Variants in DOCK9 observed in about 807,000 individuals in gnomAD.
DOCK9 encodes dedicator of cytokinesis protein 9.
Under a neutral mutation model 263.3 loss-of-function variants are expected in DOCK9, and 89 were observed. The ratio of observed to expected loss-of-function variants is 0.34; its 90% CI spans 0.28 to 0.40. DOCK9 has a LOEUF of 0.40. Ranked by LOEUF, DOCK9 falls within the 10% of genes least tolerant of loss-of-function variation. DOCK9 has a pLI of 1.00. For synonymous variants in DOCK9, 976 were observed against 973.1 expected, an observed-to-expected ratio of 1.00 and a Z score of -0.06; for missense variants, 2,140 against 2,603.4, an observed-to-expected ratio of 0.82 and a Z score of 3.87.
intron 15 of DOCK9, among the ~76,000 whole-genome samples, chr13:98,891,112 AG>A (rs2139058122): frequency 6.6e-6 from 1 of 152,026 alleles, no homozygotes; most frequent in East Asian, 1.9e-4. Flanking sequence ...TGGTGGGAGG[AG>A]GGGCAGCAGC....
Position 98,996,329 on chromosome 13 carries a change from G to A in DOCK9, c.130-40778C>T, listed in dbSNP as rs962344599. 3.9e-5 allele frequency among the ~76,000 whole-genome samples: 6 copies of A among 152,108 alleles called. No homozygotes were observed. The East Asian group carries it at 5.8e-4, about 15-fold the overall frequency. ...CAAAGCAGAACACAACTAAGACAGCGGTCACACATCTTTTTCCAGATCCCG... is the reference window on the plus strand; with the variant it reads ...CAAAGCAGAACACAACTAAGACAGCAGTCACACATCTTTTTCCAGATCCCG... On this transcript the variant is annotated intron_variant, in intron 1 of 32. Coordinates refer to the DOCK9 transcript ENST00000427887.
intron 27 of DOCK9, among the ~76,000 whole-genome samples, chr13:98,870,950 A>T (rs555302503): frequency 6.6e-6 from 1 of 152,316 alleles, no homozygotes; most frequent in East Asian, 1.9e-4. Flanking sequence ...TTAAGAATCA[A>T]AGAAACCTCA....
chr13:98,906,327 G>A (rs9584967), intron 9 of DOCK9, among the ~76,000 whole-genome samples: 19,060 of 152,134 alleles, frequency 0.13, 1,320 homozygotes, highest in South Asian at 0.2. Context: ...GAAGAAAACC[G>A]ACAGATGGTG....
intron 27 of DOCK9, among the ~76,000 whole-genome samples, chr13:98,877,967 A>T (rs920809537): frequency 2.0e-5 from 3 of 152,204 alleles, no homozygotes; most frequent in Non-Finnish European, 4.4e-5. Flanking sequence ...CCTCGAATTC[A>T]TATGTTGAAG....
chr13:99,072,606 A>G (rs1032260158), intron 1 of DOCK9, among the ~76,000 whole-genome samples: 1 of 152,158 alleles, frequency 6.6e-6, no homozygotes, highest in Admixed American at 6.5e-5. Flanking sequence ...CGCTGATGCT[A>G]TCTATACCCA....
chr13:98,936,642 G>A (rs374364891), intron 2 of DOCK9, among the ~76,000 whole-genome samples: 8 of 147,456 alleles, frequency 5.4e-5, no homozygotes, highest in Non-Finnish European at 7.4e-5. Context: ...AAAAAAGAAA[G>A]AAAGAAAAGA....
chr13:99,046,830 T>A (rs2040456005), intron 1 of DOCK9, among the ~76,000 whole-genome samples: 1 of 152,224 alleles, frequency 6.6e-6, no homozygotes, highest in African/African-American at 2.4e-5. Context: ...TCACCAGAAA[T>A]GTCTCATACT....
intron 49 of DOCK9, among the ~76,000 whole-genome samples, chr13:98,803,986 G>A (rs1258872727): frequency 6.9e-6 from 1 of 145,338 alleles, no homozygotes; most frequent in African/African-American, 2.6e-5. Context: ...TAAACCCCAC[G>A]CCATCCAGTC....
intron 2 of DOCK9, among the ~76,000 whole-genome samples, chr13:98,947,505 A>ATTT (rs2056867952): frequency 1.0e-5 from 1 of 98,766 alleles, no homozygotes; most frequent in South Asian, 4.1e-4. Context: ...GTCTATTCAG[A>ATTT]ATTTTTTTTT....
chr13:98,832,427 AC>A (rs1390630111), intron 39 of DOCK9, among the ~76,000 whole-genome samples: 1 of 152,084 alleles, frequency 6.6e-6, no homozygotes, highest in African/African-American at 2.4e-5. Flanking sequence ...AAGTGTAGAA[AC>A]CATCTGACGC....
At chr13:98,995,861 G>T (rs1595861321) in intron 1 of DOCK9, among the ~76,000 whole-genome samples, 1 of 152,126 alleles carries the variant, frequency 6.6e-6, no homozygotes, top group Non-Finnish European at 1.5e-5. Context: ...AAATTGAGGG[G>T]TGAGGAAATA....
chr13:98,930,794 G>A (rs1294564195), intron 2 of DOCK9, among the ~76,000 whole-genome samples: 1 of 151,970 alleles, frequency 6.6e-6, no homozygotes, highest in Non-Finnish European at 1.5e-5. Flanking sequence ...ACAGGCATGC[G>A]CCACCACGCT....
chr13:98,904,989 G>C lies in DOCK9; in HGVS notation c.961-283C>G, dbSNP rs371063782. On this transcript the variant is annotated intron_variant, in intron 9 of 52. Coordinates refer to ENST00000682017, the MANE Select transcript of DOCK9 (RefSeq NM_001366683.2). ...AAAGAGAATAATTAAGCATCTGTGT[G>C]TCAAGAAAGGCTTCATAAAGTAATG... Among the ~76,000 whole-genome samples the C allele has an allele frequency of 1.2e-4, 19 of 152,318 alleles. 1 individual carries two copies. The South Asian group carries it at 3.9e-3, about 32-fold the overall frequency.
chr13:98,943,007 G>A (rs779879862), intron 2 of DOCK9, among the ~76,000 whole-genome samples: 1 of 151,918 alleles, frequency 6.6e-6, no homozygotes, highest in Non-Finnish European at 1.5e-5. Flanking sequence ...ACTTTCCTTC[G>A]GGACTTGTCT....
At chr13:98,916,385 TG>T (rs2050892381) in intron 7 of DOCK9, among the ~76,000 whole-genome samples, 3 of 152,178 alleles carry the variant, frequency 2.0e-5, no homozygotes, top group Non-Finnish European at 2.9e-5. Flanking sequence ...CAAGATCCCC[TG>T]TAAGGACAGG....
intron 39 of DOCK9, chr13:98,834,396 C>T (rs1001514451): frequency 7.9e-5 from 12 of 152,158 alleles, no homozygotes; most frequent in African/African-American, 2.9e-4. Context: ...ATCACTAAGA[C>T]GACCTAAGCC....
chr13:98,889,206 A>G lies in DOCK9; in HGVS notation c.1710-495T>C, dbSNP rs1250571465. 2.0e-5 allele frequency among the ~76,000 whole-genome samples: 3 copies of G among 152,204 alleles called. No homozygotes were observed. The East Asian group carries it at 5.8e-4, about 29-fold the overall frequency. On this transcript the variant is annotated intron_variant, in intron 15 of 52. Coordinates refer to ENST00000682017, the MANE Select transcript of DOCK9 (RefSeq NM_001366683.2). ...AGCTAAGCTATGAGGATGCAAAGGC[A>G]GTAGAATGATACAATGAACTTTGGC...
At chr13:98,965,738 A>C (rs2059122145) in intron 1 of DOCK9, among the ~76,000 whole-genome samples, 1 of 152,258 alleles carries the variant, frequency 6.6e-6, no homozygotes, top group East Asian at 1.9e-4. Context: ...TGAGTGTTAA[A>C]CTACAGCAGT....
intron 44 of DOCK9, among the ~76,000 whole-genome samples, chr13:98,826,451 G>A (rs567593545): frequency 6.6e-6 from 1 of 152,334 alleles, no homozygotes; most frequent in Admixed American, 6.5e-5. Flanking sequence ...GGGCTGCGTT[G>A]CAGAAATGCT....
Sources: gnomAD v4.1 joint callset for allele counts (sites outside exome capture counted in the v4.1 genomes callset) on GRCh38, gnomAD v4.1.1 for gene constraint, MANE v1.5 for transcripts, NCBI Gene and HGNC (gene_info 2026-07-23, HGNC 2026-07-21) for gene names.